KIAA1217: variants seen among roughly 807,000 people sequenced by gnomAD.
The protein encoded by KIAA1217 is sickle tail protein homolog.
A neutral mutation model predicts 163.9 loss-of-function variants in KIAA1217; 88 were observed. The observed-to-expected ratio is 0.54, with a 90% CI of 0.45 to 0.64. KIAA1217 has a LOEUF of 0.64. Among genes scored for constraint, KIAA1217 ranks in the 30% least tolerant of loss-of-function variants. The probability of loss-of-function intolerance (pLI) is 0.00; values close to 1 mark genes in which losing one functional copy is unlikely to be tolerated. For missense variants in KIAA1217, 2,372 were observed against 2,475.0 expected, an observed-to-expected ratio of 0.96 and a Z score of 0.88; for synonymous variants, 903 against 923.1, an observed-to-expected ratio of 0.98 and a Z score of 0.39.
chr10:24,365,611 G>A (rs1002761644), intron 2 of KIAA1217, among the ~76,000 whole-genome samples: 1 of 152,118 alleles, frequency 6.6e-6, no homozygotes, highest in Non-Finnish European at 1.5e-5. Context: ...TATTCACCTA[G>A]AAAAGGGCTT....
intron 2 of KIAA1217, among the ~76,000 whole-genome samples, chr10:24,031,828 G>T (rs1015388352): frequency 2.0e-5 from 3 of 152,064 alleles, no homozygotes; most frequent in Admixed American, 1.3e-4. Context: ...AATCTTTAAT[G>T]GACTCACTTT....
chr10:24,145,863 C>A (rs2064287578), intron 2 of KIAA1217, among the ~76,000 whole-genome samples: 3 of 152,260 alleles, frequency 2.0e-5, no homozygotes, highest in South Asian at 4.1e-4. Flanking sequence ...CTTCTACTCT[C>A]TTCTGGCTGC....
intron 1 of KIAA1217, among the ~76,000 whole-genome samples, chr10:23,895,238 T>G (rs1422314722): frequency 6.6e-6 from 1 of 151,970 alleles, no homozygotes; most frequent in Non-Finnish European, 1.5e-5. Context: ...TCACAAACTA[T>G]TCATCTGACA....
At chr10:24,358,583 T>C (rs1423725134) in intron 2 of KIAA1217, among the ~76,000 whole-genome samples, 1 of 152,186 alleles carries the variant, frequency 6.6e-6, no homozygotes, top group Non-Finnish European at 1.5e-5. Context: ...ATCATTTTAG[T>C]CTTATATCAA....
chr10:23,736,199 A>G (rs1417233710), intron 1 of KIAA1217, among the ~76,000 whole-genome samples: 1 of 152,218 alleles, frequency 6.6e-6, no homozygotes, highest in Admixed American at 6.5e-5. Flanking sequence ...CTGAGACTGT[A>G]ATGACATTCT....
intron 1 of KIAA1217, among the ~76,000 whole-genome samples, chr10:23,775,423 G>A (rs1047585129): frequency 6.6e-6 from 1 of 152,006 alleles, no homozygotes; most frequent in African/African-American, 2.4e-5. Flanking sequence ...AGGTTTTTGG[G>A]GAGAGACAAT....
chr10:23,758,169 G>A (rs1035820226), intron 1 of KIAA1217, among the ~76,000 whole-genome samples: 9 of 152,002 alleles, frequency 5.9e-5, no homozygotes, highest in Admixed American at 1.3e-4. Context: ...TGTTTTCTTC[G>A]AAGAGTTTTA....
chr10:24,200,315 A>C (rs2067196724), intron 2 of KIAA1217, among the ~76,000 whole-genome samples: 2 of 151,032 alleles, frequency 1.3e-5, no homozygotes, highest in Admixed American at 1.3e-4. Context: ...CTTCCGGCTA[A>C]TTTTCTGAAA....
intron 2 of KIAA1217, among the ~76,000 whole-genome samples, chr10:24,143,486 C>T (rs1438647697): frequency 6.6e-6 from 1 of 152,134 alleles, no homozygotes; most frequent in Non-Finnish European, 1.5e-5. Context: ...AGGCTTTGAA[C>T]TCCTGACCTC....
At chr10:24,166,979 A>AGT (rs1373738969) in intron 2 of KIAA1217, among the ~76,000 whole-genome samples, 2 of 152,212 alleles carry the variant, frequency 1.3e-5, no homozygotes. Context: ...TGGAGAAGAA[A>AGT]GCTGCTTTGG....
At chr10:23,737,038 C>T (rs1014417870) in intron 1 of KIAA1217, among the ~76,000 whole-genome samples, 2 of 152,128 alleles carry the variant, frequency 1.3e-5, no homozygotes, top group Non-Finnish European at 2.9e-5. Flanking sequence ...ATTGGGTGTT[C>T]TGACCCGTGA....
At chr10:23,825,021 C>G (rs920879122) in intron 1 of KIAA1217, among the ~76,000 whole-genome samples, 3 of 152,072 alleles carry the variant, frequency 2.0e-5, no homozygotes, top group African/African-American at 7.2e-5. Context: ...AACATCTGCT[C>G]CACATGGTTT....
At chr10:23,737,641 TA>T (rs1837818537) in intron 1 of KIAA1217, among the ~76,000 whole-genome samples, 1 of 152,150 alleles carries the variant, frequency 6.6e-6, no homozygotes, top group Admixed American at 6.5e-5. Flanking sequence ...TAAAACAGAA[TA>T]AAAAATAGTA....
intron 2 of KIAA1217, among the ~76,000 whole-genome samples, chr10:24,262,278 C>A (rs1402132083): frequency 6.6e-6 from 1 of 151,976 alleles, no homozygotes; most frequent in African/African-American, 2.4e-5. Context: ...GCATGTGTTA[C>A]CAATTAAGTA....
chr10:23,967,604 G>T (rs1393886613), intron 1 of KIAA1217, among the ~76,000 whole-genome samples: 1 of 152,114 alleles, frequency 6.6e-6, no homozygotes, highest in Non-Finnish European at 1.5e-5. Flanking sequence ...CAAAGATGTG[G>T]GGAAATAGCA....
At chr10:23,820,835 G>A (rs949245159) in intron 1 of KIAA1217, among the ~76,000 whole-genome samples, 2 of 152,114 alleles carry the variant, frequency 1.3e-5, no homozygotes, top group Middle Eastern at 3.2e-3. Context: ...GAAGAGAGAT[G>A]GATAAGAATA....
chr10:24,125,322 C>CTGTGTGTGTGTGTGTGTGTG (rs58143239), intron 2 of KIAA1217, among the ~76,000 whole-genome samples: 3 of 143,720 alleles, frequency 2.1e-5, no homozygotes, highest in Non-Finnish European at 4.5e-5. Context: ...ATCCTATGCT[C>CTGTGTGTGTGTGTGTGTGTG]TGTGTGTGTG....
chr10:24,122,449 G>A (rs1195017938), intron 2 of KIAA1217, among the ~76,000 whole-genome samples: 5 of 152,024 alleles, frequency 3.3e-5, no homozygotes, highest in Non-Finnish European at 7.4e-5. Context: ...ATAGTGCTGT[G>A]ACGATATGTT....
At chr10:23,905,622 T>C (rs916412600) in intron 1 of KIAA1217, among the ~76,000 whole-genome samples, 2 of 152,110 alleles carry the variant, frequency 1.3e-5, no homozygotes, top group African/African-American at 4.8e-5. Flanking sequence ...CACAGGCTTC[T>C]GAGAGCAAAT....
Sources: gnomAD v4.1 joint callset for allele counts (sites outside exome capture counted in the v4.1 genomes callset) on GRCh38, gnomAD v4.1.1 for gene constraint, MANE v1.5 for transcripts, NCBI Gene and HGNC (gene_info 2026-07-23, HGNC 2026-07-21) for gene names.